The following ZNF143 variants were observed in gnomAD, a reference collection of about 807,000 sequenced individuals.
The protein encoded by ZNF143 is zinc finger protein 143, also known as SPH-binding factor.
A neutral mutation model predicts 74.1 loss-of-function variants in ZNF143; 49 were observed. That is an observed-to-expected ratio of 0.66 (90% confidence interval 0.53 to 0.84). The LOEUF is 0.84. ZNF143 is among the 40% of genes least tolerant of loss of function. The pLI is 0.00. For synonymous variants in ZNF143, 304 were observed against 282.8 expected (o/e 1.07, Z -0.75); for missense variants, 637 against 793.4 (o/e 0.80, Z 2.37).
intron 5 of ZNF143, among the ~76,000 whole-genome samples, chr11:9,475,540 C>T (rs2133887953): frequency 6.6e-6 from 1 of 152,316 alleles, no homozygotes; most frequent in East Asian, 1.9e-4. Context: ...TCCGACCTCC[C>T]AAAGCAGTGG....
chr11:9,486,451 A>G (rs1847550611), intron 7 of ZNF143, among the ~76,000 whole-genome samples: 1 of 69,988 alleles, frequency 1.4e-5, no homozygotes, highest in East Asian at 3.0e-4. Context: ...TATATTATAT[A>G]TATTATATAT....
rs749432918 is a variant in ZNF143, at chr11:9,525,251, A to G, written c.1698A>G (p.Val566=). Residue 566 remains valine (V), a synonymous_variant, in exon 15 of 16, where the codon GTA becomes GTG. Coordinates refer to ENST00000396602, the MANE Select transcript of ZNF143 (RefSeq NM_003442.6). ...EGTEGEQVAI[V]AQDLAAFHTA... ...TTGTTTTGCTTAAGGTTGCAATTGT[A>G]GCTCAAGACTTGGCAGCATTCCATA... The G allele has an allele frequency of 1.2e-5, 20 of 1,614,166 alleles. No individual in the cohort carries two copies. The highest frequency in any genetic ancestry group is 1.7e-5 in the Non-Finnish European group (20 of 1,180,012).
chr11:9,464,072 TCG>T (rs1856034593), intron 1 of ZNF143, among the ~76,000 whole-genome samples: 1 of 145,420 alleles, frequency 6.9e-6, no homozygotes, highest in Non-Finnish European at 1.5e-5. Flanking sequence ...TTTAGGGATG[TCG>T]TGTGTGTGTG....
At chr11:9,518,223 C>T (rs1465030582) in intron 14 of ZNF143, among the ~76,000 whole-genome samples, 1 of 152,112 alleles carries the variant, frequency 6.6e-6, no homozygotes. Context: ...GCATTTCAAA[C>T]CCAAGAAGAT....
rs550140985 is a variant in ZNF143, at chr11:9,488,405, C to G, written c.646-6241C>G. On this transcript the variant is annotated intron_variant, in intron 7 of 15. Coordinates refer to ENST00000396602, the MANE Select transcript of ZNF143 (RefSeq NM_003442.6). Reference sequence around the variant, plus strand: ...TGCTTTTCACAAACTTGGTCCTACACTTTCATTTTCATGAAACTCATTCTA... The same window carrying G: ...TGCTTTTCACAAACTTGGTCCTACAGTTTCATTTTCATGAAACTCATTCTA... 6.6e-5 allele frequency among the ~76,000 whole-genome samples: 10 copies of G among 152,318 alleles called. 1 individual carries two copies. Among genetic ancestry groups the G allele is most frequent in the African/African-American group, 2.4e-4 (10 of 41,568 alleles).
chr11:9,512,453 G>T lies in ZNF143; in HGVS notation c.1381G>T (p.Gly461Cys), dbSNP rs756183415. 1 of 1,613,858 alleles carries T rather than the reference G, an allele frequency of 6.2e-7. No homozygotes were observed. Among genetic ancestry groups the T allele is most frequent in the Non-Finnish European group, 8.5e-7 (1 of 1,179,932 alleles). The change falls in exon 13 of 16, where the codon GGT (glycine) becomes TGT (cysteine). Residue 461 changes from glycine to cysteine, a missense_variant. Transcript: ENST00000396602. The part of the protein sequence containing the change: ...EAFFEPPPGQ[G>C]EDVLKGSQIT... Reference sequence around the variant, plus strand: ...GATTCATTTGTTTTAAACAGGTCAAGGTGAAGATGTTCTTAAAGGGTCCCA... The same window carrying T: ...GATTCATTTGTTTTAAACAGGTCAATGTGAAGATGTTCTTAAAGGGTCCCA...
rs869069237 is a variant in ZNF143, at chr11:9,476,746, CTTTTTTTTTTTTTTTTTTT to C, written c.374-1631_374-1613del. 8.6e-5 allele frequency among the ~76,000 whole-genome samples: 3 copies of C among 34,856 alleles called. No homozygotes were observed. The South Asian group carries it at 7.1e-3, about 83-fold the overall frequency. 22.9% of individuals were successfully genotyped at this position (34,856 alleles called of 152,430 possible). A position where few individuals can be genotyped will look rare whatever the true frequency, so the allele number is the denominator to read the frequency against. ...TTGTTGTGAAGCCAAAGGGAGGAAT[CTTTTTTTTTTTTTTTTTTT>C]TTTTTTTTTTTTGAGACAGACTCTC... On this transcript the variant is annotated intron_variant, in intron 5 of 15. Coordinates refer to ENST00000396602, the MANE Select transcript of ZNF143 (RefSeq NM_003442.6).
chr11:9,494,584 T>C, intron 7 of ZNF143, 62 bp from the exon 8 acceptor site: 4 of 1,546,216 alleles, frequency 2.6e-6, no homozygotes, highest in Non-Finnish European at 3.5e-6. Flanking sequence ...GTGCTAAGAT[T>C]ACTGGCATGA....
intron 1 of ZNF143, among the ~76,000 whole-genome samples, chr11:9,461,327 T>G (rs1482455267): frequency 6.6e-6 from 1 of 152,134 alleles, no homozygotes; most frequent in Admixed American, 6.5e-5. Flanking sequence ...CCCCCCAGCT[T>G]GTCTCTGAGC....
intron 11 of ZNF143, among the ~76,000 whole-genome samples, chr11:9,501,749 G>C (rs1012092057): frequency 6.6e-6 from 1 of 151,986 alleles, no homozygotes; most frequent in Non-Finnish European, 1.5e-5. Flanking sequence ...GTATGAAAAA[G>C]CATGATACTC....
chr11:9,480,769 C>T (rs1847203444), intron 7 of ZNF143, among the ~76,000 whole-genome samples: 1 of 151,860 alleles, frequency 6.6e-6, no homozygotes. Flanking sequence ...TGCCTATAAT[C>T]CTAGCTACTC....
intron 7 of ZNF143, among the ~76,000 whole-genome samples, chr11:9,482,305 C>T (rs1046191352): frequency 6.9e-6 from 1 of 144,898 alleles, no homozygotes; most frequent in African/African-American, 2.6e-5. Context: ...GTGTCTCGCT[C>T]TGTCGCCCAG....
At chr11:9,478,331 A>G (rs1320677463) in intron 5 of ZNF143, 59 bp from the exon 6 acceptor site, 3 of 1,550,728 alleles carry the variant, frequency 1.9e-6, no homozygotes, top group Non-Finnish European at 2.7e-6. Flanking sequence ...TCCTTTAAAT[A>G]TGTAAATATT....
In ZNF143 at chr11:9,474,038, A is replaced by G; in HGVS notation, c.289+14A>G. On this transcript the variant is annotated intron_variant, in intron 4 of 15. Coordinates refer to ENST00000396602, the MANE Select transcript of ZNF143 (RefSeq NM_003442.6). ...TACCTAAAAGTAGTAAGTATTTAAG[A>G]TAACAGCACGGGAAACCATTTTAAT... 1 of 1,590,462 alleles carries G rather than the reference A, an allele frequency of 6.3e-7. No individual in the cohort carries two copies. Among genetic ancestry groups the G allele is most frequent in the Non-Finnish European group, 8.6e-7 (1 of 1,159,102 alleles).
intron 14 of ZNF143, among the ~76,000 whole-genome samples, chr11:9,518,776 C>T (rs17258462): frequency 1.3e-5 from 2 of 151,282 alleles, no homozygotes; most frequent in South Asian, 2.1e-4. Flanking sequence ...TTTGTATTAA[C>T]GGTTTAAGCT....
At chr11:9,512,251 G>C (rs1282644513) in intron 12 of ZNF143, among the ~76,000 whole-genome samples, 197 bp from the exon 13 acceptor site, 2 of 152,144 alleles carry the variant, frequency 1.3e-5, no homozygotes, top group African/African-American at 4.8e-5. Context: ...TTTTTGTTTG[G>C]TCTGCTTTGA....
rs372837944 is a variant in ZNF143, at chr11:9,522,619, A to G, written c.1687-2621A>G. Among the ~76,000 whole-genome samples the G allele has an allele frequency of 4.4e-3, 664 of 151,444 alleles. 7 individuals are homozygous for G. Among genetic ancestry groups the G allele is most frequent in the South Asian group, 0.039 (190 of 4,820 alleles). On this transcript the variant is annotated intron_variant, in intron 14 of 15. Transcript: ENST00000396602. ...AGCGATTCTCCTGCCTCAGCCTCCC[A>G]AGTAGCTGGGATTACAAGCACCGGC... is the stretch of plus-strand genomic sequence containing the variant.
At chr11:9,489,820 C>T (rs1357212370) in intron 7 of ZNF143, among the ~76,000 whole-genome samples, 2 of 152,120 alleles carry the variant, frequency 1.3e-5, no homozygotes, top group Non-Finnish European at 2.9e-5. Flanking sequence ...TGAAATCTGC[C>T]TTTACAAATC....
At chr11:9,518,029 C>G (rs758953977) in intron 14 of ZNF143, among the ~76,000 whole-genome samples, 2 of 152,030 alleles carry the variant, frequency 1.3e-5, no homozygotes, top group Non-Finnish European at 2.9e-5. Flanking sequence ...TGAGAATGTG[C>G]AACAAACTTC....
Sources: gnomAD v4.1 joint callset for allele counts (sites outside exome capture counted in the v4.1 genomes callset) on GRCh38, gnomAD v4.1.1 for gene constraint, MANE v1.5 for transcripts, NCBI Gene and HGNC (gene_info 2026-07-23, HGNC 2026-07-21) for gene names.